Variants in SMARCA2 observed in about 807,000 individuals in gnomAD.
SMARCA2 encodes the protein SWI/SNF related BAF chromatin remodeling complex subunit ATPase 2.
Under a neutral mutation model 199.8 loss-of-function variants are expected in SMARCA2, and 61 were observed. The observed-to-expected ratio is 0.31, with a 90% CI of 0.25 to 0.38. The LOEUF (loss-of-function observed/expected upper bound fraction) is 0.38. Ranked by LOEUF, SMARCA2 falls within the 10% of genes least tolerant of loss-of-function variation. SMARCA2 has a pLI of 1.00. For synonymous variants in SMARCA2, 935 were observed against 732.0 expected, an observed-to-expected ratio of 1.28 and a Z score of -4.48; for missense variants, 1,344 against 2,012.2, an observed-to-expected ratio of 0.67 and a Z score of 6.35.
At chr9:2,101,919 A>C (rs950187961) in intron 22 of SMARCA2, among the ~76,000 whole-genome samples, 1 of 152,226 alleles carries the variant, frequency 6.6e-6, no homozygotes, top group Non-Finnish European at 1.5e-5. Context: ...CCAAAAGTAT[A>C]GCTTGGGCTT....
chr9:2,191,173 G>T (rs190280377), intron 32 of SMARCA2, 93 bp from the exon 33 acceptor site: 1 of 1,218,044 alleles, frequency 8.2e-7, no homozygotes, highest in East Asian at 2.3e-5. Context: ...TGGGATGTTT[G>T]TGTTGTCTGT....
intron 8 of SMARCA2, 128 bp downstream of exon 8, chr9:2,058,592 T>C: frequency 1.3e-6 from 1 of 789,676 alleles, no homozygotes; most frequent in South Asian, 1.8e-5. Context: ...GTAAATTTCT[T>C]TGAACCTTAG....
At position 2,104,241 on chromosome 9, in the gene SMARCA2, A is replaced by G. The variant is rs1298864557; in HGVS notation, c.3292+72A>G. 5.2e-6 allele frequency: 7 copies of G among 1,353,474 alleles called. No individual in the cohort carries two copies. The highest frequency in any genetic ancestry group is 7.2e-6 in the Non-Finnish European group (7 of 976,708). The allele number at this position is 1,353,474 out of a possible 1,614,324, so 83.8% of individuals were successfully genotyped here. On this transcript the variant is annotated intron_variant, in intron 23 of 33. Transcript: ENST00000349721. This position sits in a 1 kb window ranked among gnomAD's most constrained non-coding sequence, Gnocchi z 4.0. Reference sequence around the variant, plus strand: ...AAGGGATAATGGGCACTTAGGTCCAATCTCAGCCAAAAAGAAGGGGTAAAA... The same window carrying G: ...AAGGGATAATGGGCACTTAGGTCCAGTCTCAGCCAAAAAGAAGGGGTAAAA...
chr9:2,145,698 C>T (rs888447330), intron 27 of SMARCA2, among the ~76,000 whole-genome samples: 1 of 152,220 alleles, frequency 6.6e-6, no homozygotes, highest in African/African-American at 2.4e-5. Flanking sequence ...TATCTAAGAG[C>T]AGTTTTCCCA....
At position 2,112,187 on chromosome 9, in the gene SMARCA2, G is replaced by T. The variant is rs545504662; in HGVS notation, c.3456+1770G>T. Among the ~76,000 whole-genome samples the T allele has an allele frequency of 2.0e-5, 3 of 152,290 alleles. No homozygotes were observed. In the South Asian group the frequency reaches 6.2e-4, roughly 32 times the overall value. ...CAGTGAGCTAGGCTGGGTATCTAAG[G>T]GGGAGGAAGGAAGACGTGATGTGAC... On this transcript the variant is annotated intron_variant, in intron 24 of 33. Coordinates refer to ENST00000349721, the MANE Select transcript of SMARCA2 (RefSeq NM_003070.5).
chr9:2,189,656 C>A (rs1182395171), intron 32 of SMARCA2, among the ~76,000 whole-genome samples: 2 of 152,006 alleles, frequency 1.3e-5, no homozygotes, highest in Non-Finnish European at 2.9e-5. Flanking sequence ...CTAAGTTACT[C>A]CACCCAAAGC....
chr9:2,184,872 C>T (rs1269596904), intron 31 of SMARCA2, among the ~76,000 whole-genome samples: 1 of 152,006 alleles, frequency 6.6e-6, no homozygotes, highest in Admixed American at 6.6e-5. Context: ...CGCGCGGGTC[C>T]TTTGTTCTGT....
intron 2 of SMARCA2, 49 bp downstream of exon 2, chr9:2,029,296 C>G (rs766732683): frequency 2.8e-5 from 44 of 1,563,676 alleles, no homozygotes; most frequent in Non-Finnish European, 3.7e-5. Flanking sequence ...AAGTGGATGG[C>G]TAATATTTCT....
intron 29 of SMARCA2, among the ~76,000 whole-genome samples, chr9:2,175,179 C>T (rs1259385644): frequency 6.6e-6 from 1 of 152,132 alleles, no homozygotes; most frequent in East Asian, 1.9e-4. Context: ...TCTGTACCTG[C>T]ACCCACTGTT....
intron 18 of SMARCA2, among the ~76,000 whole-genome samples, chr9:2,088,135 A>G (rs905370212): frequency 1.3e-5 from 2 of 152,230 alleles, no homozygotes; most frequent in South Asian, 2.1e-4. Context: ...CACTTTAAAT[A>G]GGGAACATAT....
intron 4 of SMARCA2, chr9:2,044,621 A>G (rs2130276896): frequency 6.6e-6 from 1 of 151,984 alleles, no homozygotes; most frequent in South Asian, 2.1e-4. Flanking sequence ...GGCTATTGTT[A>G]CTCTCCCCAT....
At chr9:2,043,073 T>C (rs1425444793) in intron 4 of SMARCA2, 1 of 152,230 alleles carries the variant, frequency 6.6e-6, no homozygotes, top group Non-Finnish European at 1.5e-5. Context: ...ATTTATTGTT[T>C]ATCTCCTTTT....
chr9:2,056,468 G>GA lies in SMARCA2; in HGVS notation c.1174-199dup, dbSNP rs1820358903. Among the ~76,000 whole-genome samples the GA allele has an allele frequency of 6.6e-6, 1 of 152,178 alleles. No individual in the cohort carries two copies. Among genetic ancestry groups the GA allele is most frequent in the Non-Finnish European group, 1.5e-5 (1 of 68,020 alleles). On this transcript the variant is annotated intron_variant, in intron 6 of 33. Coordinates refer to ENST00000349721, the MANE Select transcript of SMARCA2 (RefSeq NM_003070.5). This position sits in a 1 kb window ranked among gnomAD's most constrained non-coding sequence, Gnocchi z 4.0. ...GCTTTTGATTTGAATTATTTGGGGA[G>GA]AAAAATCTTGTACCGTTCTTGAAAA...
In SMARCA2 at chr9:2,170,707, C is replaced by A. The variant is rs943629408; in HGVS notation, c.4253+235C>A. ...GCCAATTCTATACATGCACTCCTTACAAGGGTATTGGGAGCTCCTGGAAAG... is the reference window on the plus strand; with the variant it reads ...GCCAATTCTATACATGCACTCCTTAAAAGGGTATTGGGAGCTCCTGGAAAG... On this transcript the variant is annotated intron_variant, in intron 29 of 33. Transcript: ENST00000349721. This position sits in a 1 kb window ranked among gnomAD's most constrained non-coding sequence, Gnocchi z 4.7. Among the ~76,000 whole-genome samples the A allele has an allele frequency of 1.3e-5, 2 of 152,166 alleles. No individual in the cohort carries two copies. The highest frequency in any genetic ancestry group is 4.8e-5 in the African/African-American group (2 of 41,434).
chr9:2,184,534 T>A (rs1827292636), intron 31 of SMARCA2, among the ~76,000 whole-genome samples: 1 of 151,776 alleles, frequency 6.6e-6, no homozygotes, highest in Non-Finnish European at 1.5e-5. Context: ...GTATTTTTTT[T>A]AGTAGAGATG....
At chr9:2,047,150 C>A in intron 4 of SMARCA2, 79 bp from the exon 5 acceptor site, 3 of 993,208 alleles carry the variant, frequency 3.0e-6, no homozygotes, top group South Asian at 9.4e-5. Flanking sequence ...CACTGGGCCC[C>A]GGGGGGCGGC....
At chr9:2,125,191 T>C (rs1461878065) in intron 27 of SMARCA2, among the ~76,000 whole-genome samples, 1 of 152,222 alleles carries the variant, frequency 6.6e-6, no homozygotes, top group Non-Finnish European at 1.5e-5. Flanking sequence ...GATGGGAGCC[T>C]GTGATTCTGA....
At chr9:2,171,395 T>A (rs1826240606) in intron 29 of SMARCA2, among the ~76,000 whole-genome samples, 1 of 152,242 alleles carries the variant, frequency 6.6e-6, no homozygotes, top group Non-Finnish European at 1.5e-5. Context: ...TATTTCAGAA[T>A]GAACACAGAT....
chr9:2,162,553 C>T (rs1188154094), intron 28 of SMARCA2, among the ~76,000 whole-genome samples: 1 of 152,192 alleles, frequency 6.6e-6, no homozygotes, highest in East Asian at 1.9e-4. Context: ...TGTAGGGTGT[C>T]AGTCAGATCC....
Sources: gnomAD v4.1 joint callset for allele counts (sites outside exome capture counted in the v4.1 genomes callset) on GRCh38, gnomAD v4.1.1 for gene constraint, Gnocchi (gnomAD v3.1) non-coding constraint, MANE v1.5 for transcripts, NCBI Gene and HGNC (gene_info 2026-07-23, HGNC 2026-07-21) for gene names.